The following XYLT1 variants were observed in gnomAD, a reference collection of about 807,000 sequenced individuals.
XYLT1 encodes the protein xylosyltransferase 1.
Under a neutral mutation model 91.3 loss-of-function variants are expected in XYLT1, and 36 were observed. The ratio of observed to expected loss-of-function variants is 0.39; its 90% CI spans 0.30 to 0.52. XYLT1 has a LOEUF of 0.52. XYLT1 is among the 20% of genes least tolerant of loss of function. The pLI is 0.68. For missense variants in XYLT1, 1,242 were observed against 1,284.5 expected (o/e 0.97, Z 0.51); for synonymous variants, 588 against 532.0 (o/e 1.11, Z -1.45).
At chr16:17,443,060 C>T (rs1236191845) in intron 1 of XYLT1, among the ~76,000 whole-genome samples, 2 of 151,976 alleles carry the variant, frequency 1.3e-5, no homozygotes, top group East Asian at 1.9e-4. Context: ...GTGCAAATCT[C>T]GACTCAACTC....
Position 17,108,730 on chromosome 16 carries a change from G to T in XYLT1, c.2845C>A (p.Leu949Met). The T allele has an allele frequency of 6.3e-7, 1 of 1,596,712 alleles. No individual in the cohort carries two copies. The highest frequency in any genetic ancestry group is 8.5e-7 in the Non-Finnish European group (1 of 1,173,998). Reference sequence around the variant, plus strand: ...CGGCCATCAGGTTTGACTGCCCCCAGCTCCGACTTGGGGTCAGGGCTGAAG... The same window carrying T: ...CGGCCATCAGGTTTGACTGCCCCCATCTCCGACTTGGGGTCAGGGCTGAAG... Reference protein sequence around the residue: ...SSFSPDPKSELGAVKPDGRLR With the variant: ...SSFSPDPKSEMGAVKPDGRLR Residue 949 changes from leucine (L) to methionine (M), a missense_variant, in exon 12 of 12, where the codon CTG becomes ATG. Around this residue, in one of 3 missense-constraint regions of XYLT1, gnomAD observed 511 missense variants for 497.0 expected, o/e 1.03. Coordinates refer to ENST00000261381, the MANE Select transcript of XYLT1 (RefSeq NM_022166.4).
intron 1 of XYLT1, among the ~76,000 whole-genome samples, chr16:17,394,384 G>A (rs975538891): frequency 4.6e-5 from 7 of 152,130 alleles, no homozygotes; most frequent in Admixed American, 6.5e-5. Context: ...GGGAGGCAGC[G>A]GTGGTCTCCA....
intron 6 of XYLT1, among the ~76,000 whole-genome samples, chr16:17,142,800 C>T (rs2031021005): frequency 6.6e-6 from 1 of 151,960 alleles, no homozygotes. Context: ...GGTATCTGCA[C>T]CAACTATAAT....
chr16:17,268,780 C>A (rs1318068364), intron 2 of XYLT1, among the ~76,000 whole-genome samples: 1 of 150,794 alleles, frequency 6.6e-6, no homozygotes, highest in Non-Finnish European at 1.5e-5. Context: ...TCAAGCGATT[C>A]TCTTGTCTCA....
chr16:17,449,787 C>T (rs777542215), intron 1 of XYLT1, among the ~76,000 whole-genome samples: 3 of 152,196 alleles, frequency 2.0e-5, no homozygotes, highest in Non-Finnish European at 2.9e-5. Flanking sequence ...GAGGAGCTGA[C>T]AAGAACCCAT....
chr16:17,384,431 CTT>C (rs920205788), intron 1 of XYLT1, among the ~76,000 whole-genome samples: 8 of 151,988 alleles, frequency 5.3e-5, no homozygotes, highest in Admixed American at 2.0e-4. Flanking sequence ...GAATCTGACT[CTT>C]ATATATTTTG....
chr16:17,329,265 T>G (rs902917736), intron 2 of XYLT1, among the ~76,000 whole-genome samples: 2 of 152,202 alleles, frequency 1.3e-5, no homozygotes, highest in African/African-American at 4.8e-5. Flanking sequence ...GAACATGGGC[T>G]CTGGACAGGG....
chr16:17,259,813 TAACA>T (rs1345012139), intron 2 of XYLT1, among the ~76,000 whole-genome samples: 1 of 152,206 alleles, frequency 6.6e-6, no homozygotes, highest in Non-Finnish European at 1.5e-5. Context: ...TGCCACTGGG[TAACA>T]AACATTTTGT....
At chr16:17,450,574 CACAAGGG>C (rs1485614322) in intron 1 of XYLT1, among the ~76,000 whole-genome samples, 2 of 152,098 alleles carry the variant, frequency 1.3e-5, no homozygotes, top group Non-Finnish European at 2.9e-5. Context: ...AAGTTCAGAG[CACAAGGG>C]ACCCAGAATC....
Position 17,200,527 on chromosome 16 carries a change from C to T in XYLT1, c.1041G>A (p.Lys347=). ...AGAAGTGGTCTTTGTGGTAGATGGCCTTGAACATGCGCTGCAACTGCCGAG... is the reference window on the plus strand; with the variant it reads ...AGAAGTGGTCTTTGTGGTAGATGGCTTTGAACATGCGCTGCAACTGCCGAG... ...RASRQLQRMF[K]AIYHKDHFYY... Residue 347 remains lysine (K), a synonymous_variant, in exon 4 of 12, where the codon AAG becomes AAA. Coordinates refer to ENST00000261381, the MANE Select transcript of XYLT1 (RefSeq NM_022166.4). 1 of 1,614,212 alleles carries T rather than the reference C, an allele frequency of 6.2e-7. No homozygotes were observed. Among genetic ancestry groups the T allele is most frequent in the Non-Finnish European group, 8.5e-7 (1 of 1,180,036 alleles).
intron 1 of XYLT1, among the ~76,000 whole-genome samples, chr16:17,417,509 G>A (rs2036194707): frequency 6.6e-6 from 1 of 151,950 alleles, no homozygotes; most frequent in Non-Finnish European, 1.5e-5. Context: ...ATCTCCCAGA[G>A]CCTCCTCTGG....
In XYLT1 at chr16:17,416,735, C is replaced by A. The variant is rs181073810; in HGVS notation, c.363+53699G>T. ...CAGGACAGATTTACGGAATTCTCAG[C>A]GGCTGCCTCCACCAGGGGTTGCCAG... On this transcript the variant is annotated intron_variant, in intron 1 of 11. Coordinates refer to ENST00000261381, the MANE Select transcript of XYLT1 (RefSeq NM_022166.4). Among the ~76,000 whole-genome samples the A allele has an allele frequency of 3.0e-4, 45 of 152,292 alleles. 1 individual carries two copies. The highest frequency in any genetic ancestry group is 1.1e-3 in the African/African-American group (44 of 41,572).
chr16:17,127,877 C>G lies in XYLT1; in HGVS notation c.2028-16G>C, dbSNP rs548671663. The G allele has an allele frequency of 1.4e-4, 228 of 1,610,638 alleles. 2 individuals are homozygous for G. The South Asian group carries it at 2.4e-3, about 17-fold the overall frequency. ...TGGGTAGTATCTGAAAACACAGGCG[C>G]TCATGCATTAGGGCCCAAGGTGTGT... On this transcript the variant is annotated splice_polypyrimidine_tract_variant and intron_variant, in intron 9 of 11. Coordinates refer to ENST00000261381, the MANE Select transcript of XYLT1 (RefSeq NM_022166.4).
At chr16:17,114,606 C>T (rs1381675562) in intron 11 of XYLT1, among the ~76,000 whole-genome samples, 1 of 152,180 alleles carries the variant, frequency 6.6e-6, no homozygotes, top group Non-Finnish European at 1.5e-5. Flanking sequence ...TTTGCTAGGA[C>T]TCAAGGCACC....
chr16:17,307,659 C>A (rs936929663), intron 2 of XYLT1, among the ~76,000 whole-genome samples: 2 of 152,162 alleles, frequency 1.3e-5, no homozygotes, highest in African/African-American at 4.8e-5. Context: ...GCACAGTGAG[C>A]TGGAAAATCT....
At chr16:17,296,649 A>G (rs1219636386) in intron 2 of XYLT1, among the ~76,000 whole-genome samples, 1 of 152,214 alleles carries the variant, frequency 6.6e-6, no homozygotes, top group Admixed American at 6.5e-5. Context: ...GCCCGGGGCC[A>G]ACTGGGGACA....
intron 6 of XYLT1, among the ~76,000 whole-genome samples, chr16:17,149,467 T>C (rs1567296636): frequency 6.6e-6 from 1 of 152,206 alleles, no homozygotes; most frequent in Non-Finnish European, 1.5e-5. Flanking sequence ...CTCCCCCTTT[T>C]CTGTTTTCCT....
intron 5 of XYLT1, among the ~76,000 whole-genome samples, chr16:17,188,248 T>C (rs76934817): frequency 0.085 from 12,981 of 152,016 alleles, 880 homozygotes; most frequent in Admixed American, 0.21. Flanking sequence ...TCCCAACTAT[T>C]CTCCCACGGC....
intron 1 of XYLT1, among the ~76,000 whole-genome samples, chr16:17,443,970 A>C (rs2036562234): frequency 6.6e-6 from 1 of 151,704 alleles, no homozygotes; most frequent in Non-Finnish European, 1.5e-5. Context: ...TCACCCACTG[A>C]CCCCTCTTCC....
Sources: allele counts gnomAD v4.1 joint callset (sites outside exome capture counted in the v4.1 genomes callset), GRCh38; gene constraint gnomAD v4.1.1; regional missense constraint gnomAD v4.1.1; transcripts MANE v1.5; gene names NCBI Gene and HGNC (gene_info 2026-07-23, HGNC 2026-07-21).